The following COL24A1 variants were observed in gnomAD, a reference collection of about 807,000 sequenced individuals.
The protein encoded by COL24A1 is collagen alpha-1(XXIV) chain.
Under a neutral mutation model 253.9 loss-of-function variants are expected in COL24A1, and 224 were observed. That is an observed-to-expected ratio of 0.88 (90% CI 0.79 to 0.99). The LOEUF is 0.99. Ranked by LOEUF, COL24A1 falls within the 50% of genes least tolerant of loss-of-function variation. The pLI is 0.00. For missense variants in COL24A1, 2,131 were observed against 2,068.5 expected, an observed-to-expected ratio of 1.03 and a Z score of -0.59; for synonymous variants, 685 against 673.7, an observed-to-expected ratio of 1.02 and a Z score of -0.26.
intron 32 of COL24A1, among the ~76,000 whole-genome samples, chr1:85,884,838 G>A (rs1415313605): frequency 6.6e-6 from 1 of 152,156 alleles, no homozygotes; most frequent in Non-Finnish European, 1.5e-5. Context: ...AAGTCAGAGG[G>A]AATTTTTCTC....
chr1:85,781,156 A>C (rs549811054), intron 52 of COL24A1, 64 bp downstream of exon 52: 693 of 1,174,988 alleles, frequency 5.9e-4, no homozygotes, highest in Non-Finnish European at 8.0e-4. Context: ...TCTTTGTAGA[A>C]TATTCTAGAA....
chr1:85,847,845 C>A, intron 38 of COL24A1, 73 bp from the exon 39 acceptor site: 1 of 879,462 alleles, frequency 1.1e-6, no homozygotes, highest in South Asian at 1.5e-5. Flanking sequence ...ATATCATATT[C>A]CTGAATAGCT....
chr1:85,883,250 C>T (rs182182187), intron 32 of COL24A1, among the ~76,000 whole-genome samples: 5 of 151,248 alleles, frequency 3.3e-5, no homozygotes, highest in East Asian at 1.9e-4. Context: ...GATAGAGTCT[C>T]ACTCTGTCAT....
intron 37 of COL24A1, among the ~76,000 whole-genome samples, chr1:85,856,600 T>G (rs1405104493): frequency 6.6e-6 from 1 of 152,190 alleles, no homozygotes; most frequent in African/African-American, 2.4e-5. Flanking sequence ...CTCTTTGCAT[T>G]TGTATTTGGT....
intron 38 of COL24A1, 150 bp from the exon 39 acceptor site, chr1:85,847,922 TAA>T (rs1677320376): frequency 2.4e-6 from 1 of 423,604 alleles, no homozygotes; most frequent in Admixed American, 4.3e-5. Flanking sequence ...CATCACTATA[TAA>T]GTTATTTTAA....
intron 12 of COL24A1, among the ~76,000 whole-genome samples, 184 bp from the exon 13 acceptor site, chr1:86,034,107 C>T (rs368836487): frequency 7.9e-5 from 12 of 151,856 alleles, no homozygotes; most frequent in African/African-American, 1.7e-4. Context: ...AAATAAAAAA[C>T]GAAATACAGT....
At chr1:86,113,305 C>G (rs930231401) in intron 4 of COL24A1, among the ~76,000 whole-genome samples, 2 of 152,142 alleles carry the variant, frequency 1.3e-5, no homozygotes, top group African/African-American at 2.4e-5. Context: ...AGTAGAGGAA[C>G]AGATCACCCT....
chr1:86,107,633 C>G (rs1705124339), intron 5 of COL24A1, among the ~76,000 whole-genome samples: 1 of 151,916 alleles, frequency 6.6e-6, no homozygotes, highest in Non-Finnish European at 1.5e-5. Flanking sequence ...CTCCCGGGTT[C>G]ACGCCATTCT....
At chr1:85,801,041 A>G (rs920585084) in intron 47 of COL24A1, among the ~76,000 whole-genome samples, 25 of 152,170 alleles carry the variant, frequency 1.6e-4, no homozygotes, top group Non-Finnish European at 2.8e-4. Flanking sequence ...GTTTCTCGAG[A>G]TTATTAGATA....
chr1:85,811,833 A>T (rs1044796901), intron 47 of COL24A1, among the ~76,000 whole-genome samples: 3 of 152,232 alleles, frequency 2.0e-5, no homozygotes, highest in Non-Finnish European at 2.9e-5. Context: ...AAGGCTCTGC[A>T]GCAGATTCAG....
chr1:86,046,862 G>A lies in COL24A1; in HGVS notation c.1913C>T (p.Pro638Leu). 2.6e-6 allele frequency: 4 copies of A among 1,536,858 alleles called. No homozygotes were observed. The highest frequency in any genetic ancestry group is 3.6e-6 in the Non-Finnish European group (4 of 1,110,228). ...AAAACCCTTCTTTCCACGGATCCCA[G>A]GAATGCCCTAGAATATAGAAAAGAA... ...QLGPEGERGIPGIRGKKGFKG... is the reference protein window; with the variant it reads ...QLGPEGERGILGIRGKKGFKG... The change falls in exon 12 of 60, where the codon CCT (proline) becomes CTT (leucine). Residue 638 changes from proline to leucine, a missense_variant. Coordinates refer to ENST00000370571, the MANE Select transcript of COL24A1 (RefSeq NM_152890.7).
chr1:85,878,112 T>G (rs1571041347), intron 32 of COL24A1, among the ~76,000 whole-genome samples: 1 of 152,198 alleles, frequency 6.6e-6, no homozygotes, highest in Non-Finnish European at 1.5e-5. Flanking sequence ...CACAGTTTGT[T>G]TATCCATTTA....
intron 19 of COL24A1, among the ~76,000 whole-genome samples, chr1:86,007,576 G>A (rs776798549): frequency 1.1e-4 from 17 of 152,220 alleles, no homozygotes; most frequent in Non-Finnish European, 1.9e-4. Context: ...TCCTTTAGTC[G>A]GTGAATGGAT....
rs151102768 is a variant in COL24A1 at position 85,807,090 on chromosome 1, T to G, written c.3951+9698A>C. On this transcript the variant is annotated intron_variant, in intron 47 of 59. Transcript: ENST00000370571. ...CTGAACCTCTAATCCTGCTTAACCT[T>G]CCTGGCTTGTGGAGGCAGCCCCTAC... is the stretch of plus-strand genomic sequence containing the variant. Among the ~76,000 whole-genome samples the G allele has an allele frequency of 6.0e-3, 912 of 152,282 alleles. 3 individuals carry two copies. The highest frequency in any genetic ancestry group is 0.01 in the Non-Finnish European group (688 of 68,006).
chr1:85,761,129 T>C (rs909872048), intron 55 of COL24A1, among the ~76,000 whole-genome samples: 7 of 152,188 alleles, frequency 4.6e-5, no homozygotes, highest in African/African-American at 1.4e-4. Context: ...TATTATGTAT[T>C]ATACAATGTG....
intron 50 of COL24A1, among the ~76,000 whole-genome samples, 190 bp from the exon 51 acceptor site, chr1:85,783,748 A>G (rs112886628): frequency 9.2e-5 from 14 of 152,288 alleles, no homozygotes; most frequent in African/African-American, 3.4e-4. Flanking sequence ...GAAGGGAGAG[A>G]GGGATACGTA....
At chr1:85,856,624 C>T (rs1014852607) in intron 37 of COL24A1, among the ~76,000 whole-genome samples, 15 of 152,220 alleles carry the variant, frequency 9.9e-5, no homozygotes, top group Admixed American at 5.9e-4. Flanking sequence ...TTAAACTTTA[C>T]GCGTCCAAAA....
At chr1:86,095,941 C>T (rs1703864124) in intron 5 of COL24A1, among the ~76,000 whole-genome samples, 1 of 151,956 alleles carries the variant, frequency 6.6e-6, no homozygotes, top group African/African-American at 2.4e-5. Flanking sequence ...GGGAAAGTCC[C>T]CAAGGTAGAG....
chr1:85,874,261 T>A (rs1192186684), intron 35 of COL24A1, among the ~76,000 whole-genome samples: 1 of 152,222 alleles, frequency 6.6e-6, no homozygotes, highest in African/African-American at 2.4e-5. Context: ...GGTTTGGTTT[T>A]TTTTTAGAGC....
Sources: gnomAD v4.1 joint callset for allele counts (sites outside exome capture counted in the v4.1 genomes callset) on GRCh38, gnomAD v4.1.1 for gene constraint, MANE v1.5 for transcripts, NCBI Gene and HGNC (gene_info 2026-07-23, HGNC 2026-07-21) for gene names.